The following RPS6KC1 variants were observed in gnomAD, a reference collection of about 807,000 sequenced individuals.
RPS6KC1 encodes ribosomal protein S6 kinase C1.
Under a neutral mutation model 103.8 loss-of-function variants are expected in RPS6KC1, and 54 were observed. That is an observed-to-expected ratio of 0.52 (90% CI 0.42 to 0.65). RPS6KC1 has a LOEUF of 0.65. Among genes scored for constraint, RPS6KC1 ranks in the 30% least tolerant of loss-of-function variants. RPS6KC1 has a pLI of 0.00. For missense variants in RPS6KC1, 1,151 were observed against 1,253.8 expected, an observed-to-expected ratio of 0.92 and a Z score of 1.24; for synonymous variants, 439 against 438.7, an observed-to-expected ratio of 1.00 and a Z score of -0.01.
chr1:213,186,989 C>G (rs149091024), intron 8 of RPS6KC1, among the ~76,000 whole-genome samples: 1 of 152,094 alleles, frequency 6.6e-6, no homozygotes, highest in African/African-American at 2.4e-5. Flanking sequence ...CTCATTTCAT[C>G]CTCTATTGCC....
At chr1:213,314,686 T>C in the RPS6KC1 span, among the ~76,000 whole-genome samples, 1 of 151,780 alleles carries the variant, frequency 6.6e-6, no homozygotes, top group Non-Finnish European at 1.5e-5. Flanking sequence ...CTGGGTTTTC[T>C]CTATTAGCAG....
At chr1:213,624,309 A>G in the RPS6KC1 span, among the ~76,000 whole-genome samples, 2 of 152,306 alleles carry the variant, frequency 1.3e-5, no homozygotes, top group East Asian at 1.9e-4. Flanking sequence ...AGTAAATGCA[A>G]TGTATGAAAT....
intron 6 of RPS6KC1, among the ~76,000 whole-genome samples, chr1:213,155,900 A>T (rs2089833337): frequency 6.6e-6 from 1 of 152,200 alleles, no homozygotes; most frequent in African/African-American, 2.4e-5. Flanking sequence ...ATCAAACTAT[A>T]TTCAAGAACC....
At chr1:213,427,857 C>T in the RPS6KC1 span, among the ~76,000 whole-genome samples, 1 of 152,218 alleles carries the variant, frequency 6.6e-6, no homozygotes, top group African/African-American at 2.4e-5. Flanking sequence ...ATTTGTTAGC[C>T]TCCATTACAG....
chr1:213,804,611 TC>T, the RPS6KC1 span, among the ~76,000 whole-genome samples: 5 of 152,348 alleles, frequency 3.3e-5, no homozygotes, highest in African/African-American at 9.6e-5. Flanking sequence ...GTAGTACTTG[TC>T]CCCTTCTAGC....
the RPS6KC1 span, among the ~76,000 whole-genome samples, chr1:213,308,393 C>T: frequency 6.6e-6 from 1 of 151,442 alleles, no homozygotes; most frequent in Non-Finnish European, 1.5e-5. Context: ...CACCTTTACA[C>T]GTTTTTTCTT....
At chr1:213,138,401 C>T (rs565800344) in intron 6 of RPS6KC1, among the ~76,000 whole-genome samples, 13 of 151,930 alleles carry the variant, frequency 8.6e-5, no homozygotes, top group African/African-American at 1.4e-4. Context: ...TGTGCAGGTT[C>T]GTTACATAGG....
chr1:213,707,734 G>A, the RPS6KC1 span, among the ~76,000 whole-genome samples: 5 of 152,232 alleles, frequency 3.3e-5, no homozygotes, highest in East Asian at 5.8e-4. Context: ...TGTAAGAAAC[G>A]GGTCTAGTTT....
intron 8 of RPS6KC1, among the ~76,000 whole-genome samples, chr1:213,189,058 C>T (rs11120098): frequency 6.6e-6 from 1 of 152,018 alleles, no homozygotes; most frequent in East Asian, 1.9e-4. Flanking sequence ...ACAAATATGG[C>T]TAATTGATTT....
intron 6 of RPS6KC1, among the ~76,000 whole-genome samples, chr1:213,151,244 C>T (rs1342408616): frequency 0.022 from 2,528 of 115,190 alleles, 36 homozygotes; most frequent in African/African-American, 0.085. Context: ...CCCTCCCGGA[C>T]GGGGCGGCTG....
chr1:213,218,260 C>G (rs187234354), intron 8 of RPS6KC1, among the ~76,000 whole-genome samples: 3,303 of 152,180 alleles, frequency 0.022, 49 homozygotes, highest in Admixed American at 0.041. Flanking sequence ...TGAGTGAACT[C>G]CCATTCACAA....
chr1:213,447,193 A>G, the RPS6KC1 span, among the ~76,000 whole-genome samples: 28 of 152,028 alleles, frequency 1.8e-4, no homozygotes, highest in African/African-American at 6.5e-4. Flanking sequence ...TCAGCCTCAT[A>G]AGTAGGTGGG....
At chr1:213,792,936 A>C in the RPS6KC1 span, among the ~76,000 whole-genome samples, 15 of 151,988 alleles carry the variant, frequency 9.9e-5, no homozygotes, top group African/African-American at 3.1e-4. Flanking sequence ...CTGACCAGGT[A>C]GCAGTCTTAT....
At chr1:213,531,894 T>C in the RPS6KC1 span, among the ~76,000 whole-genome samples, 4 of 152,106 alleles carry the variant, frequency 2.6e-5, no homozygotes, top group South Asian at 8.3e-4. Flanking sequence ...CAGGTATGGG[T>C]CTGAAACTCG....
At chr1:213,499,920 A>G in the RPS6KC1 span, among the ~76,000 whole-genome samples, 319 of 152,358 alleles carry the variant, frequency 2.1e-3, 7 homozygotes, top group Non-Finnish European at 4.6e-4. Context: ...CACACATACC[A>G]TAAATGGAGC....
chr1:213,818,971 C>T, the RPS6KC1 span: 1 of 152,222 alleles, frequency 6.6e-6, no homozygotes, highest in Non-Finnish European at 1.5e-5. Flanking sequence ...GCATTGTGTA[C>T]AGGCCTGCGG....
the RPS6KC1 span, among the ~76,000 whole-genome samples, chr1:213,313,142 G>T: frequency 6.6e-6 from 1 of 152,112 alleles, no homozygotes; most frequent in Admixed American, 6.5e-5. Flanking sequence ...CCTGCAAAGT[G>T]ACCCAGAAAC....
the RPS6KC1 span, among the ~76,000 whole-genome samples, chr1:213,379,807 G>A: frequency 0.85 from 128,953 of 151,972 alleles, 54,860 homozygotes; most frequent in East Asian, 0.99. Context: ...AATATCTATT[G>A]TTACAAAGTC....
rs1572476662 is a variant in RPS6KC1 at position 213,093,188 on chromosome 1, A to G, written c.263-11266A>G. 2.6e-5 allele frequency among the ~76,000 whole-genome samples: 4 copies of G among 151,498 alleles called. No homozygotes were observed. In the South Asian group the frequency reaches 8.4e-4, roughly 32 times the overall value. ...GCAGCAGCTGTGGTTGTGTGGAAGG[A>G]ATTGTTGGTTAATAATCTACTTTTT... On this transcript the variant is annotated intron_variant, in intron 3 of 14. Transcript: ENST00000366960.
Sources: allele counts gnomAD v4.1 joint callset (sites outside exome capture counted in the v4.1 genomes callset), GRCh38; gene constraint gnomAD v4.1.1; transcripts MANE v1.5; gene names NCBI Gene and HGNC (gene_info 2026-07-23, HGNC 2026-07-21).